The following TAX1BP1 variants were observed in gnomAD, a reference collection of about 807,000 sequenced individuals.
TAX1BP1 encodes the protein Tax1 binding protein 1, also known as tax1-binding protein 1.
TAX1BP1 carries 62 observed loss-of-function variants against 97.7 expected under a neutral mutation model. The ratio of observed to expected loss-of-function variants is 0.63; its 90% CI spans 0.52 to 0.78. The LOEUF is 0.78. Ranked by LOEUF, TAX1BP1 falls within the 30% of genes least tolerant of loss-of-function variation. The pLI, the probability that TAX1BP1 is intolerant of heterozygous loss-of-function variation, is 0.00. For missense variants in TAX1BP1, 867 were observed against 916.1 expected, an observed-to-expected ratio of 0.95 and a Z score of 0.69; for synonymous variants, 340 against 304.2, an observed-to-expected ratio of 1.12 and a Z score of -1.23.
At chr7:27,786,167 T>C (rs1396489020) in intron 7 of TAX1BP1, among the ~76,000 whole-genome samples, 1 of 151,588 alleles carries the variant, frequency 6.6e-6, no homozygotes, top group Non-Finnish European at 1.5e-5. Context: ...AGTCTCGCTC[T>C]GTCGCCCAGG....
rs1355947641 is a variant in TAX1BP1 at position 27,787,609 on chromosome 7, T to G, written c.1038+6T>G. 6.3e-7 allele frequency: 1 copy of G among 1,595,174 alleles called. No individual in the cohort carries two copies. Among genetic ancestry groups the G allele is most frequent in the Non-Finnish European group, 8.5e-7 (1 of 1,173,266 alleles). ...TGCTTACAACCTCAAGTAAAGTAAG[T>G]ACTTTTGCTATATATATTTGAAGAT... On this transcript the variant is annotated splice_donor_region_variant and intron_variant, in intron 8 of 16. Transcript: ENST00000396319.
At chr7:27,793,544 C>T (rs916997179) in intron 10 of TAX1BP1, among the ~76,000 whole-genome samples, 4 of 152,190 alleles carry the variant, frequency 2.6e-5, no homozygotes, top group Non-Finnish European at 5.9e-5. Flanking sequence ...CATCTATCCT[C>T]ATTGGAGTTC....
chr7:27,796,272 GCTTAC>G, intron 12 of TAX1BP1, 53 bp downstream of exon 12: 1 of 1,349,694 alleles, frequency 7.4e-7, no homozygotes, highest in African/African-American at 1.5e-5. Flanking sequence ...TAATGACTTA[GCTTAC>G]CTTTATTGTT....
At chr7:27,753,689 A>G (rs1240090736) in intron 2 of TAX1BP1, among the ~76,000 whole-genome samples, 1 of 151,860 alleles carries the variant, frequency 6.6e-6, no homozygotes, top group East Asian at 1.9e-4. Context: ...ATATTACCTG[A>G]TACCCAGCCT....
intron 2 of TAX1BP1, among the ~76,000 whole-genome samples, chr7:27,752,973 T>C (rs1009510805): frequency 2.0e-5 from 3 of 152,220 alleles, no homozygotes; most frequent in Non-Finnish European, 4.4e-5. Context: ...AGTGACAGAA[T>C]TGAAGTAAAA....
At chr7:27,797,199 A>G (rs1789968025) in intron 12 of TAX1BP1, among the ~76,000 whole-genome samples, 1 of 151,710 alleles carries the variant, frequency 6.6e-6, no homozygotes, top group African/African-American at 2.4e-5. Context: ...GGGTTTCACG[A>G]TGTTAGCTAG....
intron 3 of TAX1BP1, among the ~76,000 whole-genome samples, chr7:27,759,077 T>C (rs1387045862): frequency 6.6e-6 from 1 of 152,184 alleles, no homozygotes; most frequent in East Asian, 1.9e-4. Flanking sequence ...ACTTTAGGAT[T>C]GTATTAAAGT....
chr7:27,756,701 A>G (rs1788230739), intron 2 of TAX1BP1, among the ~76,000 whole-genome samples: 1 of 152,126 alleles, frequency 6.6e-6, no homozygotes, highest in Admixed American at 6.5e-5. Flanking sequence ...TTTGCCATGG[A>G]TTAGGCACTT....
At chr7:27,773,379 A>G (rs968765611) in intron 5 of TAX1BP1, among the ~76,000 whole-genome samples, 13 of 152,218 alleles carry the variant, frequency 8.5e-5, no homozygotes, top group Admixed American at 6.5e-4. Context: ...AACCATTACC[A>G]TAGTCTAATT....
intron 2 of TAX1BP1, among the ~76,000 whole-genome samples, chr7:27,754,065 C>T (rs960528955): frequency 1.3e-5 from 2 of 152,150 alleles, no homozygotes; most frequent in South Asian, 4.1e-4. Context: ...GTGACATGTT[C>T]AAAGTCACAT....
chr7:27,757,430 G>C (rs1299209557), intron 2 of TAX1BP1, among the ~76,000 whole-genome samples: 1 of 152,070 alleles, frequency 6.6e-6, no homozygotes, highest in African/African-American at 2.4e-5. Context: ...CCAAAGATGA[G>C]AGATTAGTGA....
intron 3 of TAX1BP1, among the ~76,000 whole-genome samples, chr7:27,762,836 C>T (rs1028338173): frequency 1.3e-5 from 2 of 152,128 alleles, no homozygotes; most frequent in African/African-American, 4.8e-5. Context: ...CCTAAAGTCC[C>T]AGCTACTTGA....
intron 1 of TAX1BP1, among the ~76,000 whole-genome samples, chr7:27,745,759 T>C (rs1787792368): frequency 6.6e-6 from 1 of 152,120 alleles, no homozygotes; most frequent in Admixed American, 6.5e-5. Flanking sequence ...AATTTCTTGT[T>C]AATAGGGCTA....
intron 7 of TAX1BP1, among the ~76,000 whole-genome samples, chr7:27,786,987 G>A (rs1022696899): frequency 2.0e-5 from 3 of 152,144 alleles, no homozygotes; most frequent in African/African-American, 7.2e-5. Context: ...CGTACTTTTC[G>A]CCTGCAGAAA....
intron 5 of TAX1BP1, among the ~76,000 whole-genome samples, chr7:27,778,373 A>C (rs1206951558): frequency 6.6e-6 from 1 of 151,494 alleles, no homozygotes; most frequent in Non-Finnish European, 1.5e-5. Context: ...GCCTAGTCAC[A>C]CTCTTGAGTA....
At chr7:27,828,199 T>C (rs1447935715) in intron 16 of TAX1BP1, among the ~76,000 whole-genome samples, 1 of 152,200 alleles carries the variant, frequency 6.6e-6, no homozygotes, top group Non-Finnish European at 1.5e-5. Context: ...GTCCTCCGAC[T>C]GATTCTGATG....
At chr7:27,741,096 A>C (rs1425632830) in intron 1 of TAX1BP1, among the ~76,000 whole-genome samples, 12 of 152,244 alleles carry the variant, frequency 7.9e-5, no homozygotes, top group Non-Finnish European at 1.8e-4. Context: ...AGACATACAC[A>C]GTGTTAGATT....
intron 13 of TAX1BP1, among the ~76,000 whole-genome samples, chr7:27,810,191 G>A (rs557138883): frequency 2.7e-4 from 41 of 151,462 alleles, no homozygotes; most frequent in Non-Finnish European, 5.2e-4. Flanking sequence ...ACAGGCGTGA[G>A]CCACCACGCA....
chr7:27,770,831 T>C (rs1788817336), intron 5 of TAX1BP1, among the ~76,000 whole-genome samples: 1 of 152,136 alleles, frequency 6.6e-6, no homozygotes, highest in African/African-American at 2.4e-5. Flanking sequence ...TCAAGTACTA[T>C]GTACATTTAC....
Sources: gnomAD v4.1 joint callset for allele counts (sites outside exome capture counted in the v4.1 genomes callset) on GRCh38, gnomAD v4.1.1 for gene constraint, MANE v1.5 for transcripts, NCBI Gene and HGNC (gene_info 2026-07-23, HGNC 2026-07-21) for gene names.